MTMR3: variants seen among roughly 807,000 people sequenced by gnomAD.
MTMR3 encodes phosphatidylinositol-3,5-bisphosphate 3-phosphatase MTMR3.
MTMR3 carries 32 observed loss-of-function variants against 132.4 expected under a neutral mutation model. The observed-to-expected ratio is 0.24, with a 90% CI of 0.18 to 0.32. MTMR3 has a LOEUF of 0.32. Among genes scored for constraint, MTMR3 ranks in the 10% least tolerant of loss-of-function variants. The probability of loss-of-function intolerance (pLI) is 1.00; values close to 1 mark genes in which losing one functional copy is unlikely to be tolerated. For missense variants in MTMR3, 1,216 were observed against 1,489.6 expected (o/e 0.82, Z 3.02); for synonymous variants, 556 against 550.3 (o/e 1.01, Z -0.14).
At chr22:29,929,519 A>AT (rs1359903967) in intron 1 of MTMR3, among the ~76,000 whole-genome samples, 1 of 144,282 alleles carries the variant, frequency 6.9e-6, no homozygotes, top group South Asian at 2.2e-4. Context: ...ATGGATTTTT[A>AT]TTTTTTCTTA....
intron 13 of MTMR3, chr22:30,012,882 A>C: frequency 4.2e-6 from 1 of 240,594 alleles, no homozygotes; most frequent in Non-Finnish European, 7.9e-6. Flanking sequence ...GCTAGATATT[A>C]CCAGAGTGTT....
chr22:29,893,758 G>C (rs1316881435), intron 1 of MTMR3, among the ~76,000 whole-genome samples: 1 of 151,900 alleles, frequency 6.6e-6, no homozygotes, highest in Admixed American at 6.6e-5. Flanking sequence ...GGATAATGTG[G>C]CTTTTTTGCT....
Position 29,940,367 on chromosome 22 carries a change from C to T in MTMR3, c.-137-16669C>T, listed in dbSNP as rs149372283. Among the ~76,000 whole-genome samples, 453 of 140,134 alleles carry T rather than the reference C, an allele frequency of 3.2e-3. 51 individuals are homozygous for T. Among genetic ancestry groups the T allele is most frequent in the African/African-American group, 0.014 (426 of 30,132 alleles). The allele number at this position is 140,134 out of a possible 152,430, so 91.9% of individuals were successfully genotyped here. The stretch of plus-strand genomic sequence containing the variant: ...CAAAAATTTGTTCCTAATTCCACTG[C>T]CTATCCCAAACCTGTAAGAACTAAT... On this transcript the variant is annotated intron_variant, in intron 1 of 19. Transcript: ENST00000401950.
At chr22:29,906,282 GTCTGTCTATCTATCTATCTATCTATCTA>G (rs1459076600) in intron 1 of MTMR3, among the ~76,000 whole-genome samples, 36 of 87,836 alleles carry the variant, frequency 4.1e-4, no homozygotes, top group Middle Eastern at 4.4e-3. Flanking sequence ...CTGTCTGTCT[GTCTGTCTATCTATCTATCTATCTATCTA>G]TCTATCTATC....
intron 1 of MTMR3, among the ~76,000 whole-genome samples, chr22:29,894,136 C>T (rs9614102): frequency 0.24 from 36,395 of 152,136 alleles, 5,726 homozygotes; most frequent in Non-Finnish European, 0.36. Flanking sequence ...TGAGCCACCA[C>T]GCTCAGCCAA....
chr22:29,960,539 G>A (rs1185223611), intron 2 of MTMR3, among the ~76,000 whole-genome samples: 7 of 152,216 alleles, frequency 4.6e-5, no homozygotes, highest in Admixed American at 4.6e-4. Flanking sequence ...ATTTAATGAA[G>A]TACAGTCTTT....
intron 1 of MTMR3, among the ~76,000 whole-genome samples, chr22:29,902,434 G>C (rs1692212600): frequency 6.8e-6 from 1 of 146,214 alleles, no homozygotes; most frequent in South Asian, 2.1e-4. Flanking sequence ...TTGAGACGGA[G>C]TCTCGCTCTG....
chr22:29,957,254 C>T (rs1470038313), intron 2 of MTMR3, among the ~76,000 whole-genome samples, 166 bp downstream of exon 2: 1 of 114,494 alleles, frequency 8.7e-6, no homozygotes, highest in Non-Finnish European at 1.8e-5. Flanking sequence ...AATGTCCTTA[C>T]ATGTGATTAT....
intron 2 of MTMR3, among the ~76,000 whole-genome samples, chr22:29,964,349 G>C (rs772497037): frequency 2.6e-5 from 4 of 152,068 alleles, no homozygotes; most frequent in Non-Finnish European, 5.9e-5. Context: ...TTGTTTGTTT[G>C]TTATTTTACA....
chr22:29,906,241 CATCCGTCT>C (rs1209209551), intron 1 of MTMR3, among the ~76,000 whole-genome samples: 4 of 147,992 alleles, frequency 2.7e-5, no homozygotes, highest in Admixed American at 1.3e-4. Flanking sequence ...TTTATCCATC[CATCCGTCT>C]GTCTGTCTGT....
chr22:29,978,275 A>G (rs915514688), intron 3 of MTMR3, 167 bp from the exon 4 acceptor site: 5 of 482,964 alleles, frequency 1.0e-5, no homozygotes, highest in Middle Eastern at 5.2e-4. Flanking sequence ...TAACTAATGT[A>G]TTGGATAGAA....
At chr22:29,896,250 C>T (rs1046390209) in intron 1 of MTMR3, among the ~76,000 whole-genome samples, 8 of 152,178 alleles carry the variant, frequency 5.3e-5, no homozygotes, top group Non-Finnish European at 1.2e-4. Flanking sequence ...GTAGAGGTTG[C>T]AGTGAGCCCA....
intron 15 of MTMR3, 105 bp from the exon 16 acceptor site, chr22:30,017,822 C>A (rs2067635672): frequency 7.1e-7 from 1 of 1,413,990 alleles, no homozygotes; most frequent in Admixed American, 1.8e-5. Context: ...ATCCTGTCAG[C>A]CCTGTTGGGT....
At chr22:29,931,043 A>G (rs2065633935) in intron 1 of MTMR3, among the ~76,000 whole-genome samples, 1 of 151,540 alleles carries the variant, frequency 6.6e-6, no homozygotes, top group Admixed American at 6.6e-5. Context: ...CTTAAAAATG[A>G]CCTAACTTTG....
chr22:29,902,406 G>GTTTTTTT (rs534691732), intron 1 of MTMR3, among the ~76,000 whole-genome samples: 2 of 134,496 alleles, frequency 1.5e-5, no homozygotes, highest in African/African-American at 2.8e-5. Flanking sequence ...GGTTATGAAA[G>GTTTTTTT]TTTTTTTTTT....
intron 1 of MTMR3, among the ~76,000 whole-genome samples, chr22:29,921,240 G>A (rs1027962549): frequency 2.6e-5 from 4 of 152,218 alleles, no homozygotes; most frequent in South Asian, 2.1e-4. Flanking sequence ...GTCATGTGGC[G>A]AGGGGCAGCA....
intron 1 of MTMR3, among the ~76,000 whole-genome samples, chr22:29,933,559 G>C (rs2065687129): frequency 6.6e-6 from 1 of 152,034 alleles, no homozygotes; most frequent in Admixed American, 6.6e-5. Context: ...GAATTAAAAT[G>C]CATCTTGCTG....
At position 29,891,924 on chromosome 22, in the gene MTMR3, G is replaced by A. The variant is rs368266326; in HGVS notation, c.-138+8565G>A. On this transcript the variant is annotated intron_variant, in intron 1 of 19. Coordinates refer to ENST00000401950, the MANE Select transcript of MTMR3 (RefSeq NM_021090.4). ...AATCCTAGCACTTTGGGAGGCCAAG[G>A]CAGACGGATCATGAGGTCAGGAGAT... 1.3e-3 allele frequency among the ~76,000 whole-genome samples: 195 copies of A among 152,088 alleles called. 1 individual carries two copies. In the South Asian group the frequency reaches 0.029, roughly 23 times the overall value.
Position 30,012,456 on chromosome 22 carries a change from C to A in MTMR3, c.1210C>A (p.Gln404Lys). ...SALLVVHAVD[Q>K]DQRPVLVHCS... ...GCTTCTGGTAGTGCATGCTGTGGAT[C>A]AGGATCAGCGGCCGGTGCTAGTACA... The change falls in exon 13 of 20, where the codon CAG (glutamine) becomes AAG (lysine). Residue 404 changes from glutamine (Q) to lysine (K), a missense_variant. Physicochemically the swap from Gln to Lys is moderately conservative, Grantham distance 53. Around this residue, in one of 7 missense-constraint regions of MTMR3, gnomAD observed 106 missense variants for 209.5 expected, o/e 0.51. Coordinates refer to ENST00000401950, the MANE Select transcript of MTMR3 (RefSeq NM_021090.4). 6.2e-7 allele frequency: 1 copy of A among 1,614,180 alleles called. No individual in the cohort carries two copies.
Sources: allele counts gnomAD v4.1 joint callset (sites outside exome capture counted in the v4.1 genomes callset), GRCh38; gene constraint gnomAD v4.1.1; regional missense constraint gnomAD v4.1.1; transcripts MANE v1.5; gene names NCBI Gene and HGNC (gene_info 2026-07-23, HGNC 2026-07-21).